XYLT1: variants seen among roughly 807,000 people sequenced by gnomAD.
XYLT1 encodes the protein beta-D-xylosyltransferase 1.
A neutral mutation model predicts 91.3 loss-of-function variants in XYLT1; 36 were observed. The observed-to-expected ratio is 0.39, with a 90% CI of 0.30 to 0.52. XYLT1 has a LOEUF of 0.52. Among genes scored for constraint, XYLT1 ranks in the 20% least tolerant of loss-of-function variants. XYLT1 has a pLI of 0.68. For synonymous variants in XYLT1, 588 were observed against 532.0 expected (o/e 1.11, Z -1.45); for missense variants, 1,242 against 1,284.5 (o/e 0.97, Z 0.51).
intron 1 of XYLT1, among the ~76,000 whole-genome samples, chr16:17,391,053 A>C (rs912593885): frequency 2.0e-5 from 3 of 152,168 alleles, no homozygotes; most frequent in African/African-American, 7.2e-5. Context: ...AAAAAAAACA[A>C]AAACAAACAA....
In XYLT1 at chr16:17,221,730, C is replaced by G. The variant is rs546845590; in HGVS notation, c.914-21076G>C. ...CTCTAACCTGGGCAACAGAGTGAGA[C>G]CTTGTCTCCAAGAAAAAATAAAAAG... is the stretch of plus-strand genomic sequence containing the variant. On this transcript the variant is annotated intron_variant, in intron 3 of 11. Coordinates refer to ENST00000261381, the MANE Select transcript of XYLT1 (RefSeq NM_022166.4). 8.5e-5 allele frequency among the ~76,000 whole-genome samples: 13 copies of G among 152,216 alleles called. No homozygotes were observed. In the East Asian group the frequency reaches 2.1e-3, roughly 25 times the overall value.
intron 3 of XYLT1, among the ~76,000 whole-genome samples, chr16:17,214,232 A>G (rs1165450788): frequency 2.6e-5 from 4 of 152,356 alleles, no homozygotes; most frequent in African/African-American, 7.2e-5. Flanking sequence ...GAAAGGCTAC[A>G]TAGCAGAGTG....
At chr16:17,256,320 C>T (rs8048621) in intron 3 of XYLT1, among the ~76,000 whole-genome samples, 22,213 of 152,094 alleles carry the variant, frequency 0.15, 1,840 homozygotes, top group African/African-American at 0.21. Flanking sequence ...GTCTCCTCCC[C>T]TCTATGAGCC....
chr16:17,300,066 C>T (rs916659136), intron 2 of XYLT1, among the ~76,000 whole-genome samples: 6 of 150,910 alleles, frequency 4.0e-5, no homozygotes, highest in South Asian at 2.1e-4. Flanking sequence ...TAAAAGGTGG[C>T]GGGGGTGGGG....
chr16:17,186,626 T>G (rs546748530), intron 5 of XYLT1, among the ~76,000 whole-genome samples: 1 of 152,056 alleles, frequency 6.6e-6, no homozygotes, highest in Non-Finnish European at 1.5e-5. Context: ...GAGAATCACA[T>G]AGAACCTTGA....
chr16:17,463,308 G>A (rs182304128), intron 1 of XYLT1, among the ~76,000 whole-genome samples: 1 of 152,242 alleles, frequency 6.6e-6, no homozygotes, highest in Non-Finnish European at 1.5e-5. Context: ...GAAAATATTT[G>A]CAAACTACCC....
chr16:17,265,832 G>A (rs141302960), intron 2 of XYLT1, among the ~76,000 whole-genome samples: 2 of 152,054 alleles, frequency 1.3e-5, no homozygotes, highest in African/African-American at 2.4e-5. Flanking sequence ...ATTTCTGAGG[G>A]GTGGGGGTGG....
intron 3 of XYLT1, among the ~76,000 whole-genome samples, chr16:17,232,141 A>G (rs980952869): frequency 1.4e-5 from 2 of 144,584 alleles, no homozygotes; most frequent in Admixed American, 1.4e-4. Flanking sequence ...TATAATAGAT[A>G]ATAGATTATA....
intron 1 of XYLT1, among the ~76,000 whole-genome samples, chr16:17,384,506 A>G (rs2035723197): frequency 6.6e-6 from 1 of 151,864 alleles, no homozygotes; most frequent in Admixed American, 6.6e-5. Flanking sequence ...GCTCAGGAAG[A>G]CTGTGCATTC....
chr16:17,218,083 C>A (rs1444640464), intron 3 of XYLT1, among the ~76,000 whole-genome samples: 5 of 151,982 alleles, frequency 3.3e-5, no homozygotes, highest in South Asian at 4.2e-4. Context: ...CATGGTGAAA[C>A]CTCATCTCTA....
intron 3 of XYLT1, among the ~76,000 whole-genome samples, chr16:17,231,517 C>T (rs888654169): frequency 6.6e-6 from 1 of 152,156 alleles, no homozygotes; most frequent in Non-Finnish European, 1.5e-5. Context: ...AGTGAGGGTA[C>T]AGCCATGCAT....
At chr16:17,336,035 C>T (rs112652594) in intron 2 of XYLT1, among the ~76,000 whole-genome samples, 1 of 152,134 alleles carries the variant, frequency 6.6e-6, no homozygotes, top group East Asian at 1.9e-4. Context: ...CTTTGCCTGG[C>T]TGGCTGGCAA....
intron 5 of XYLT1, among the ~76,000 whole-genome samples, chr16:17,181,147 T>C (rs779717294): frequency 9.9e-5 from 15 of 152,182 alleles, no homozygotes; most frequent in Non-Finnish European, 1.8e-4. Context: ...TTTCACCTCA[T>C]TGGGGTAGAG....
chr16:17,233,069 C>T (rs1471182288), intron 3 of XYLT1, among the ~76,000 whole-genome samples: 2 of 152,104 alleles, frequency 1.3e-5, no homozygotes, highest in East Asian at 3.9e-4. Context: ...CTGCCACATA[C>T]AAAGAGGGGC....
At position 17,343,628 on chromosome 16, in the gene XYLT1, A is replaced by C. The variant is rs181986342; in HGVS notation, c.402+14384T>G. ...TGGGACTAAAAGCACGGGCCACTAC[A>C]CGCAGATTATGTTTTATTTTTTTGT... On this transcript the variant is annotated intron_variant, in intron 2 of 11. Coordinates refer to ENST00000261381, the MANE Select transcript of XYLT1 (RefSeq NM_022166.4). Among the ~76,000 whole-genome samples the C allele has an allele frequency of 1.0e-3, 153 of 152,132 alleles. 1 individual carries two copies. The highest frequency in any genetic ancestry group is 3.3e-3 in the African/African-American group (138 of 41,496).
intron 1 of XYLT1, among the ~76,000 whole-genome samples, chr16:17,379,757 T>TTTCACACACA (rs1555501187): frequency 7.7e-5 from 10 of 129,922 alleles, no homozygotes; most frequent in African/African-American, 3.4e-4. Context: ...TCTCTCTCTC[T>TTTCACACACA]CTCTCTCACA....
intron 1 of XYLT1, chr16:17,403,406 C>A (rs2035992450): frequency 6.6e-6 from 1 of 152,236 alleles, no homozygotes; most frequent in Non-Finnish European, 1.5e-5. Context: ...ATACCAGAGA[C>A]TGGGTAATTT....
At chr16:17,455,566 C>A (rs1025546763) in intron 1 of XYLT1, among the ~76,000 whole-genome samples, 4 of 149,872 alleles carry the variant, frequency 2.7e-5, no homozygotes, top group African/African-American at 9.9e-5. Flanking sequence ...GCCTAGGCAA[C>A]AGTGAGACTC....
At chr16:17,372,361 G>A (rs2035546454) in intron 1 of XYLT1, among the ~76,000 whole-genome samples, 1 of 152,098 alleles carries the variant, frequency 6.6e-6, no homozygotes, top group African/African-American at 2.4e-5. Context: ...AAAAATTAAG[G>A]CTAATTAAGA....
Sources: gnomAD v4.1 joint callset for allele counts (sites outside exome capture counted in the v4.1 genomes callset) on GRCh38, gnomAD v4.1.1 for gene constraint, MANE v1.5 for transcripts, NCBI Gene and HGNC (gene_info 2026-07-23, HGNC 2026-07-21) for gene names.